ARL10: variants seen among roughly 807,000 people sequenced by gnomAD.
ARL10 encodes the protein ARF like GTPase 10, also known as ADP-ribosylation factor-like protein 10.
Under a neutral mutation model 26.1 loss-of-function variants are expected in ARL10, and 23 were observed. That is an observed-to-expected ratio of 0.88 (90% CI 0.63 to 1.25). ARL10 has a LOEUF of 1.25. Among genes scored for constraint, ARL10 ranks in the 50% most tolerant of loss-of-function variants. The probability of loss-of-function intolerance (pLI) is 0.00; values close to 1 mark genes in which losing one functional copy is unlikely to be tolerated. For missense variants in ARL10, 300 were observed against 323.6 expected (o/e 0.93, Z 0.56); for synonymous variants, 138 against 149.1 (o/e 0.93, Z 0.54).
chr5:176,384,254 T>G (rs556727834), downstream of ARL10: 80 of 1,614,190 alleles, frequency 5.0e-5, no homozygotes, highest in Non-Finnish European at 6.3e-5. Context: ...ATCTTCCTCT[T>G]CTGCAAAGAA....
the ARL10 span, among the ~76,000 whole-genome samples, chr5:176,413,517 C>T: frequency 1.3e-5 from 2 of 152,346 alleles, no homozygotes; most frequent in East Asian, 3.9e-4. Flanking sequence ...CAGGCCTACA[C>T]CAGATACCTC....
intron 1 of ARL10, chr5:176,388,136 C>T: frequency 1.1e-6 from 1 of 898,350 alleles, no homozygotes. Context: ...TCGGAAGGGC[C>T]TGAGGGAAGG....
At chr5:176,384,612 C>A, downstream of ARL10, 4 of 548,378 alleles carry the variant, frequency 7.3e-6, no homozygotes, top group Non-Finnish European at 1.3e-5. Flanking sequence ...CCCAGTGAGA[C>A]CCTGTCTCTC....
rs542735208 is a variant in ARL10, at chr5:176,369,301, C to T, written c.561+319C>T. The stretch of plus-strand genomic sequence containing the variant: ...AGGCTGGAATGCAGTGGTGTGATCT[C>T]GGCTCACTGCAACCTCCACCTCCCG... On this transcript the variant is annotated intron_variant, in intron 3 of 3. Transcript: ENST00000310389. The T allele has an allele frequency of 6.0e-5, 60 of 1,004,290 alleles. No individual in the cohort carries two copies. In the East Asian group the frequency reaches 2.6e-3, roughly 43 times the overall value. The allele number at this position is 1,004,290 out of a possible 1,614,324, so 62.2% of individuals were successfully genotyped here. A position where few individuals can be genotyped will look rare whatever the true frequency, so the allele number is the denominator to read the frequency against.
chr5:176,411,675 A>G, the ARL10 span, among the ~76,000 whole-genome samples: 15 of 152,150 alleles, frequency 9.9e-5, no homozygotes, highest in African/African-American at 3.6e-4. Context: ...CCCACCTACA[A>G]CAGTCCCTGG....
intron 1 of ARL10, among the ~76,000 whole-genome samples, chr5:176,398,478 G>A (rs576138401): frequency 1.6e-4 from 25 of 152,224 alleles, no homozygotes; most frequent in South Asian, 8.3e-4. Flanking sequence ...TTGGGAGGCC[G>A]AGGCGGCAAA....
downstream of ARL10, among the ~76,000 whole-genome samples, chr5:176,390,596 A>G (rs949641252): frequency 2.0e-5 from 3 of 152,080 alleles, no homozygotes; most frequent in African/African-American, 7.2e-5. Context: ...CGCCCGGCTA[A>G]TTTTTGTATT....
In ARL10 at chr5:176,375,878, A is replaced by G. The variant is rs554699474; in HGVS notation, c.*3983A>G. The G allele has an allele frequency of 6.6e-6, 1 of 152,322 alleles. No individual in the cohort carries two copies. The highest frequency in any genetic ancestry group is 2.4e-5 in the African/African-American group (1 of 41,568). 9.4% of individuals were successfully genotyped at this position (152,322 alleles called of 1,614,324 possible). Reference sequence around the variant, plus strand: ...TTAACCCAGTGACATTATATAAGCAATCGCTTGGAGCCACATAGGTAGTTC... The same window carrying G: ...TTAACCCAGTGACATTATATAAGCAGTCGCTTGGAGCCACATAGGTAGTTC... On this transcript the variant is annotated 3_prime_UTR_variant, in exon 4 of 4. Coordinates refer to ENST00000310389, the MANE Select transcript of ARL10 (RefSeq NM_173664.6).
At chr5:176,392,696 C>T (rs1756310496), downstream of ARL10, 8 of 1,530,148 alleles carry the variant, frequency 5.2e-6, no homozygotes, top group Non-Finnish European at 7.2e-6. This position sits in a 1 kb window ranked among gnomAD's most constrained non-coding sequence, Gnocchi z 5.2. Context: ...TGCTGCGAGT[C>T]TCCACCCCGA....
chr5:176,365,883 G>A, intron 1 of ARL10, 137 bp downstream of exon 1: 3 of 970,456 alleles, frequency 3.1e-6, no homozygotes, highest in Admixed American at 4.3e-5. Context: ...CAGCCGCAGC[G>A]CACAGGCCCC....
At chr5:176,365,953 G>A (rs1768279285) in intron 1 of ARL10, among the ~76,000 whole-genome samples, 1 of 152,216 alleles carries the variant, frequency 6.6e-6, no homozygotes, top group Non-Finnish European at 1.5e-5. Context: ...TTGGGTGCGT[G>A]CGGCGCCTTG....
chr5:176,389,532 G>A, downstream of ARL10: 2 of 1,582,480 alleles, frequency 1.3e-6, no homozygotes, highest in Non-Finnish European at 1.7e-6. Context: ...CCGCAGAAAT[G>A]ATTCCAAAAC....
downstream of ARL10, chr5:176,388,819 C>G (rs762696953): frequency 6.2e-7 from 1 of 1,613,428 alleles, no homozygotes; most frequent in Non-Finnish European, 8.5e-7. Context: ...GTGGCCCGGA[C>G]ATGGCGACTC....
downstream of ARL10, among the ~76,000 whole-genome samples, chr5:176,391,000 T>C (rs1031102997): frequency 2.0e-5 from 3 of 152,120 alleles, no homozygotes; most frequent in Admixed American, 6.5e-5. Context: ...TTTGAGGACC[T>C]GCGCTCTTCC....
chr5:176,395,964 G>A (rs1470138768), intron 1 of ARL10, among the ~76,000 whole-genome samples: 3 of 152,080 alleles, frequency 2.0e-5, no homozygotes, highest in Non-Finnish European at 2.9e-5. Flanking sequence ...GTGAAACCCC[G>A]TCTCTACTAA....
At chr5:176,403,420 A>G (rs916321249), downstream of ARL10, among the ~76,000 whole-genome samples, 1 of 150,364 alleles carries the variant, frequency 6.7e-6, no homozygotes, top group African/African-American at 2.4e-5. Flanking sequence ...GCAACCCTAC[A>G]TGGTTGGTTT....
intron 1 of ARL10, among the ~76,000 whole-genome samples, chr5:176,400,059 C>T (rs1173506986): frequency 1.3e-5 from 2 of 151,582 alleles, no homozygotes; most frequent in Non-Finnish European, 2.9e-5. Flanking sequence ...GGTGTGGTGG[C>T]CCGCACCTGT....
At chr5:176,394,199 G>A (rs978575446) in intron 1 of ARL10, among the ~76,000 whole-genome samples, 3 of 152,180 alleles carry the variant, frequency 2.0e-5, no homozygotes, top group African/African-American at 7.2e-5. Flanking sequence ...AGCTATCCTC[G>A]GAGCTGTCCC....
downstream of ARL10, among the ~76,000 whole-genome samples, chr5:176,391,394 G>A (rs1159627298): frequency 6.6e-6 from 1 of 152,144 alleles, no homozygotes; most frequent in Non-Finnish European, 1.5e-5. Flanking sequence ...TGGATAAATT[G>A]CTTGAGCCCA....
Sources: allele counts gnomAD v4.1 joint callset (sites outside exome capture counted in the v4.1 genomes callset), GRCh38; gene constraint gnomAD v4.1.1; non-coding constraint Gnocchi (gnomAD v3.1); transcripts MANE v1.5; gene names NCBI Gene and HGNC (gene_info 2026-07-23, HGNC 2026-07-21).